MKLN1: variants seen among roughly 807,000 people sequenced by gnomAD.
The protein encoded by MKLN1 is muskelin.
Under a neutral mutation model 99.0 loss-of-function variants are expected in MKLN1, and 18 were observed. The observed-to-expected ratio is 0.18, with a 90% confidence interval of 0.13 to 0.27. MKLN1 has a LOEUF of 0.27. MKLN1 is among the 10% of genes least tolerant of loss of function. The pLI is 1.00. For synonymous variants in MKLN1, 288 were observed against 293.2 expected, an observed-to-expected ratio of 0.98 and a Z score of 0.18; for missense variants, 621 against 875.9, an observed-to-expected ratio of 0.71 and a Z score of 3.67.
At chr7:131,483,272 A>T (rs1797176274) in intron 17 of MKLN1, among the ~76,000 whole-genome samples, 1 of 152,184 alleles carries the variant, frequency 6.6e-6, no homozygotes, top group African/African-American at 2.4e-5. Context: ...CATTGATTAC[A>T]TATAAAGCTT....
At chr7:131,173,837 A>G (rs186233565) in intron 2 of MKLN1, among the ~76,000 whole-genome samples, 2 of 152,338 alleles carry the variant, frequency 1.3e-5, no homozygotes, top group Non-Finnish European at 2.9e-5. Flanking sequence ...AATTAAAAAA[A>G]CAAATCAAAA....
chr7:131,397,508 A>G, intron 5 of MKLN1, 132 bp downstream of exon 5: 1 of 561,530 alleles, frequency 1.8e-6, no homozygotes, highest in South Asian at 3.0e-5. Flanking sequence ...TTTATTAAGC[A>G]CTTCCAGTCT....
chr7:131,130,005 T>C (rs1314634976), intron 1 of MKLN1, among the ~76,000 whole-genome samples: 4 of 152,236 alleles, frequency 2.6e-5, no homozygotes, highest in African/African-American at 9.6e-5. Context: ...TTTCTATAGT[T>C]AAGTTCACTT....
intron 12 of MKLN1, among the ~76,000 whole-genome samples, chr7:131,455,510 A>T (rs1796304961): frequency 6.6e-6 from 1 of 152,180 alleles, no homozygotes; most frequent in South Asian, 2.1e-4. Flanking sequence ...TTGTTGTATC[A>T]TTCTTATTTT....
At chr7:131,484,061 T>C (rs1797203164) in intron 17 of MKLN1, among the ~76,000 whole-genome samples, 1 of 152,180 alleles carries the variant, frequency 6.6e-6, no homozygotes, top group Admixed American at 6.6e-5. Flanking sequence ...TTTAAGTTAA[T>C]GATGTGGCTT....
At chr7:131,118,487 A>C (rs1348905962) in intron 1 of MKLN1, among the ~76,000 whole-genome samples, 1 of 151,898 alleles carries the variant, frequency 6.6e-6, no homozygotes, top group African/African-American at 2.4e-5. Flanking sequence ...TGGGAGGCGG[A>C]GGTTGCAGTG....
At chr7:131,251,381 G>T (rs775592031) in intron 3 of MKLN1, among the ~76,000 whole-genome samples, 1 of 152,110 alleles carries the variant, frequency 6.6e-6, no homozygotes, top group African/African-American at 2.4e-5. Context: ...GCTTTGGCCG[G>T]TTGCTCTCAA....
At chr7:131,152,441 T>G (rs1299958993) in intron 2 of MKLN1, among the ~76,000 whole-genome samples, 1 of 152,170 alleles carries the variant, frequency 6.6e-6, no homozygotes, top group Non-Finnish European at 1.5e-5. Flanking sequence ...AGTGTTGGAA[T>G]TTTAAATTGT....
chr7:131,337,017 T>C (rs1799268746), intron 1 of MKLN1, among the ~76,000 whole-genome samples: 1 of 152,198 alleles, frequency 6.6e-6, no homozygotes, highest in South Asian at 2.1e-4. Flanking sequence ...GTTATTTTCT[T>C]GAAGCACTTT....
intron 3 of MKLN1, among the ~76,000 whole-genome samples, chr7:131,208,510 G>T (rs1435311415): frequency 6.6e-6 from 1 of 152,142 alleles, no homozygotes; most frequent in African/African-American, 2.4e-5. Flanking sequence ...CAGGAGGATT[G>T]CCTGAGCCTG....
intron 1 of MKLN1, among the ~76,000 whole-genome samples, chr7:131,123,022 C>CAAAAAAAAAAAAAA (rs59581806): frequency 1.7e-5 from 1 of 60,374 alleles, no homozygotes; most frequent in Admixed American, 2.9e-4. Context: ...GACTCCGTCT[C>CAAAAAAAAAAAAAA]AAAAAAAAAA....
At chr7:131,298,165 G>A (rs966001444) in intron 3 of MKLN1, among the ~76,000 whole-genome samples, 2 of 152,134 alleles carry the variant, frequency 1.3e-5, no homozygotes, top group African/African-American at 2.4e-5. Flanking sequence ...CAGATACTCG[G>A]GAGGCTGAGG....
chr7:131,278,282 C>T (rs937762618), intron 3 of MKLN1, among the ~76,000 whole-genome samples: 1 of 152,130 alleles, frequency 6.6e-6, no homozygotes. Flanking sequence ...AAGCGATCTG[C>T]CCACCTCGGC....
At chr7:131,304,126 C>T (rs1400035684) in intron 3 of MKLN1, among the ~76,000 whole-genome samples, 4 of 152,120 alleles carry the variant, frequency 2.6e-5, no homozygotes, top group South Asian at 2.1e-4. Context: ...GTAATCCTAG[C>T]ACTTTGGAAG....
intron 3 of MKLN1, among the ~76,000 whole-genome samples, chr7:131,305,342 T>A (rs921416069): frequency 6.6e-6 from 1 of 152,238 alleles, no homozygotes; most frequent in Non-Finnish European, 1.5e-5. Flanking sequence ...TTGGTGGCCT[T>A]TAGTAATATT....
At chr7:131,298,201 G>C (rs1798323535) in intron 3 of MKLN1, among the ~76,000 whole-genome samples, 1 of 152,072 alleles carries the variant, frequency 6.6e-6, no homozygotes, top group Admixed American at 6.5e-5. Flanking sequence ...AACCCAGGAG[G>C]TGGAGCTTGC....
chr7:131,216,701 G>C (rs1311187661), intron 3 of MKLN1, among the ~76,000 whole-genome samples: 1 of 152,172 alleles, frequency 6.6e-6, no homozygotes, highest in Non-Finnish European at 1.5e-5. Flanking sequence ...AGGTCCTTGT[G>C]CTTGGTAAAC....
intron 3 of MKLN1, among the ~76,000 whole-genome samples, chr7:131,306,384 G>A (rs1798469008): frequency 6.6e-6 from 1 of 152,236 alleles, no homozygotes; most frequent in Non-Finnish European, 1.5e-5. Context: ...AAGAATACAG[G>A]AAGATGTGGG....
At chr7:131,439,632 A>G (rs544065466) in intron 10 of MKLN1, among the ~76,000 whole-genome samples, 2 of 152,306 alleles carry the variant, frequency 1.3e-5, no homozygotes, top group South Asian at 4.1e-4. Flanking sequence ...TGTGGTGTTC[A>G]TGACAATTTA....
Sources: allele counts gnomAD v4.1 joint callset (sites outside exome capture counted in the v4.1 genomes callset), GRCh38; gene constraint gnomAD v4.1.1; transcripts MANE v1.5; gene names NCBI Gene and HGNC (gene_info 2026-07-23, HGNC 2026-07-21).